Variants in SLC5A8 observed in about 807,000 individuals in gnomAD.
The protein encoded by SLC5A8 is sodium-coupled monocarboxylate transporter 1.
SLC5A8 carries 55 observed loss-of-function variants against 71.9 expected under a neutral mutation model. The ratio of observed to expected loss-of-function variants is 0.77; its 90% CI spans 0.62 to 0.96. The LOEUF is 0.96. SLC5A8 is among the 40% of genes least tolerant of loss of function. The pLI is 0.00. For missense variants in SLC5A8, 701 were observed against 745.3 expected (o/e 0.94, Z 0.69); for synonymous variants, 307 against 276.1 (o/e 1.11, Z -1.11).
Position 101,193,771 on chromosome 12 carries a change from A to C in SLC5A8, c.546T>G (p.Leu182=), listed in dbSNP as rs772742534. The change falls in exon 5 of 15, where the codon CTT becomes CTG. Residue 182 remains leucine (L), a synonymous_variant. Coordinates refer to ENST00000536262, the MANE Select transcript of SLC5A8 (RefSeq NM_145913.5). ...AAACATCTGTCCAGATAACTGCTTT[A>C]AGACCACCCTTTGAGGGGAAAGTAT... ...VCTFYCTLGG[L]KAVIWTDVFQ... 8 of 1,613,844 alleles carry C rather than the reference A, an allele frequency of 5.0e-6. No individual in the cohort carries two copies. In the South Asian group the frequency reaches 8.8e-5, roughly 18 times the overall value.
chr12:101,201,908 T>C lies in SLC5A8; in HGVS notation c.469+256A>G, dbSNP rs116114555. The stretch of plus-strand genomic sequence containing the variant: ...GGAGCTTTAATTCTAAAGGAGTGAA[T>C]GGGCTGATGGGCACATCCCAGAGAA... On this transcript the variant is annotated intron_variant, in intron 3 of 14. Coordinates refer to ENST00000536262, the MANE Select transcript of SLC5A8 (RefSeq NM_145913.5). Among the ~76,000 whole-genome samples the C allele has an allele frequency of 1.2e-3, 181 of 152,264 alleles. 1 individual carries two copies. Among genetic ancestry groups the C allele is most frequent in the African/African-American group, 4.1e-3 (172 of 41,554 alleles).
intron 10 of SLC5A8, among the ~76,000 whole-genome samples, chr12:101,179,545 C>A (rs538723163): frequency 1.3e-5 from 2 of 152,272 alleles, no homozygotes; most frequent in South Asian, 2.1e-4. Context: ...AGGTTACATT[C>A]TATGTAATTC....
At chr12:101,167,781 T>G (rs2051787234) in intron 11 of SLC5A8, among the ~76,000 whole-genome samples, 1 of 152,192 alleles carries the variant, frequency 6.6e-6, no homozygotes, top group African/African-American at 2.4e-5. Flanking sequence ...AGCCTATTGA[T>G]CTCTTTTAAA....
intron 13 of SLC5A8, among the ~76,000 whole-genome samples, chr12:101,158,539 A>G (rs1296198447): frequency 7.9e-6 from 1 of 126,036 alleles, no homozygotes; most frequent in Non-Finnish European, 1.7e-5. Context: ...CTCTCACTAT[A>G]ATAAATATGA....
intron 8 of SLC5A8, among the ~76,000 whole-genome samples, chr12:101,183,518 G>C (rs187146024): frequency 9.9e-5 from 15 of 152,070 alleles, no homozygotes; most frequent in Non-Finnish European, 1.6e-4. Flanking sequence ...AGATTACTCC[G>C]TATTCCTATG....
chr12:101,159,920 G>A (rs749310281), intron 13 of SLC5A8, among the ~76,000 whole-genome samples: 3 of 152,158 alleles, frequency 2.0e-5, no homozygotes, highest in South Asian at 2.1e-4. Flanking sequence ...GGTGGCTCAC[G>A]CCTGTAATCC....
Position 101,198,344 on chromosome 12 carries a change from C to T in SLC5A8, c.470-3182G>A, listed in dbSNP as rs1869284379. ...TAGAAAACAAAGAAAATCAATGAGC[C>T]AAAACACTGATTCTTAGAAGAGATT... On this transcript the variant is annotated intron_variant, in intron 3 of 14. Transcript: ENST00000536262. Among the ~76,000 whole-genome samples the T allele has an allele frequency of 2.0e-5, 3 of 151,352 alleles. No individual in the cohort carries two copies. The South Asian group carries it at 6.2e-4, about 32-fold the overall frequency.
At chr12:101,164,617 T>C (rs1396683544) in intron 12 of SLC5A8, among the ~76,000 whole-genome samples, 1 of 152,066 alleles carries the variant, frequency 6.6e-6, no homozygotes, top group Non-Finnish European at 1.5e-5. Flanking sequence ...CGTTTCTTCA[T>C]TCTGCGACAC....
intron 8 of SLC5A8, among the ~76,000 whole-genome samples, chr12:101,183,511 T>C (rs1169714740): frequency 1.3e-5 from 2 of 152,154 alleles, no homozygotes; most frequent in Non-Finnish European, 2.9e-5. Flanking sequence ...TCTACATAGA[T>C]TACTCCGTAT....
intron 13 of SLC5A8, among the ~76,000 whole-genome samples, chr12:101,160,498 G>A (rs765336806): frequency 1.2e-4 from 19 of 152,108 alleles, no homozygotes; most frequent in Non-Finnish European, 7.4e-5. Context: ...AGACATCCTT[G>A]AACACAACTA....
At position 101,158,391 on chromosome 12, in the gene SLC5A8, A is replaced by G. The variant is rs867992756; in HGVS notation, c.1631-63T>C. ...AGGACACCAGTAACTACACAGAGAC[A>G]TTCCATTATACAGGCATTTAACTTG... On this transcript the variant is annotated intron_variant, in intron 13 of 14. Coordinates refer to ENST00000536262, the MANE Select transcript of SLC5A8 (RefSeq NM_145913.5). 13 of 1,024,792 alleles carry G rather than the reference A, an allele frequency of 1.3e-5. No individual in the cohort carries two copies. In the African/African-American group the frequency reaches 2.0e-4, roughly 16 times the overall value. The allele number at this position is 1,024,792 out of a possible 1,614,324, so 63.5% of individuals were successfully genotyped here. A position where few individuals can be genotyped will look rare whatever the true frequency, so the allele number is the denominator to read the frequency against.
At position 101,187,438 on chromosome 12, in the gene SLC5A8, C is replaced by A. The variant is rs200418643; in HGVS notation, c.911G>T (p.Arg304Met). 1 of 1,613,908 alleles carries A rather than the reference C, an allele frequency of 6.2e-7. No individual in the cohort carries two copies. Among genetic ancestry groups the A allele is most frequent in the Non-Finnish European group, 8.5e-7 (1 of 1,179,944 alleles). ...SVFCGLALYSRYHDCDPWTAK... is the reference protein window; with the variant it reads ...SVFCGLALYSMYHDCDPWTAK... ...TGTCCAAGGATCACAGTCATGGTAC[C>A]TGGAATATAGGGCGAGCCCACAAAA... Residue 304 changes from arginine to methionine, a missense_variant, in exon 7 of 15, where the codon AGG (arginine) becomes ATG (methionine). By Grantham distance (91) the Arg-to-Met change is moderately conservative. Transcript: ENST00000536262.
intron 10 of SLC5A8, among the ~76,000 whole-genome samples, chr12:101,171,950 A>G (rs923164966): frequency 6.6e-6 from 1 of 152,240 alleles, no homozygotes; most frequent in Admixed American, 6.5e-5. Flanking sequence ...GAATGGACTC[A>G]GTGGTAGCAG....
chr12:101,158,246 C>T lies in SLC5A8; in HGVS notation c.1710+3G>A. On this transcript the variant is annotated splice_donor_region_variant and intron_variant, in intron 14 of 14. Coordinates refer to ENST00000536262, the MANE Select transcript of SLC5A8 (RefSeq NM_145913.5). ...AACTCAAGGTAAATGAAAGCCAACT[C>T]ACTTTCTTAAAAATATCAAAATTGG... is the stretch of plus-strand genomic sequence containing the variant. 2 of 1,571,740 alleles carry T rather than the reference C, an allele frequency of 1.3e-6. No homozygotes were observed. Among genetic ancestry groups the T allele is most frequent in the Non-Finnish European group, 1.7e-6 (2 of 1,146,508 alleles).
intron 6 of SLC5A8, 49 bp downstream of exon 6, chr12:101,190,419 A>G: frequency 6.3e-7 from 1 of 1,575,608 alleles, no homozygotes; most frequent in East Asian, 2.4e-5. Flanking sequence ...GTTTCCATAA[A>G]GACAACTGAT....
chr12:101,198,873 A>G (rs551097665), intron 3 of SLC5A8, among the ~76,000 whole-genome samples: 1 of 152,088 alleles, frequency 6.6e-6, no homozygotes, highest in South Asian at 2.1e-4. Context: ...AGAATGCAAA[A>G]ATTGGTTTAA....
rs1869871861 is a variant in SLC5A8, at chr12:101,210,171, A to G, written c.-323T>C. The G allele has an allele frequency of 3.0e-6, 1 of 333,364 alleles. No individual in the cohort carries two copies. Among genetic ancestry groups the G allele is most frequent in the Non-Finnish European group, 5.4e-6 (1 of 185,606 alleles). 20.7% of individuals were successfully genotyped at this position (333,364 alleles called of 1,614,324 possible). On this transcript the variant is annotated 5_prime_UTR_variant, in exon 1 of 15. Coordinates refer to ENST00000536262, the MANE Select transcript of SLC5A8 (RefSeq NM_145913.5). ...CAAGGCGCCGGGGACACCTGAGCAG[A>G]TGAGAACTGGAGCCTCCAGCTGCTT...
In SLC5A8 at chr12:101,202,183, A is replaced by G. The variant is rs778361554; in HGVS notation, c.450T>C (p.Pro150=). 3.1e-6 allele frequency: 5 copies of G among 1,608,784 alleles called. No homozygotes were observed. The South Asian group carries it at 5.5e-5, about 18-fold the overall frequency. Residue 150 remains proline, a synonymous_variant, in exon 3 of 15, where the codon CCT becomes CCC. Transcript: ENST00000536262. ...ATGTACCTTGATTCAAAGCCAGGGC[A>G]GGGGCATAAATAACAATTCCAGTAT... The part of the protein sequence containing the change: ...ILYTGIVIYA[P]ALALNQVTGF...
chr12:101,205,447 A>G (rs1297696025), intron 1 of SLC5A8, among the ~76,000 whole-genome samples: 1 of 152,224 alleles, frequency 6.6e-6, no homozygotes, highest in African/African-American at 2.4e-5. Context: ...TATAATATAC[A>G]TATTACAGAG....
Sources: allele counts gnomAD v4.1 joint callset (sites outside exome capture counted in the v4.1 genomes callset), GRCh38; gene constraint gnomAD v4.1.1; transcripts MANE v1.5; gene names NCBI Gene and HGNC (gene_info 2026-07-23, HGNC 2026-07-21).